The following EVA1C variants were observed in gnomAD, a reference collection of about 807,000 sequenced individuals.
EVA1C encodes the protein eva-1 homolog C.
In EVA1C, 25 loss-of-function variants were observed where a neutral mutation model predicts 45.4. The observed-to-expected ratio is 0.55, with a 90% confidence interval of 0.40 to 0.77. The LOEUF is 0.77. Ranked by LOEUF, EVA1C falls within the 30% of genes least tolerant of loss-of-function variation. The pLI, the probability that EVA1C is intolerant of heterozygous loss-of-function variation, is 0.00. For synonymous variants in EVA1C, 190 were observed against 221.2 expected, an observed-to-expected ratio of 0.86 and a Z score of 1.25; for missense variants, 479 against 554.8, an observed-to-expected ratio of 0.86 and a Z score of 1.37.
intron 7 of EVA1C, among the ~76,000 whole-genome samples, chr21:32,512,780 G>T (rs939388944): frequency 4.6e-5 from 7 of 152,122 alleles, no homozygotes; most frequent in Non-Finnish European, 5.9e-5. Context: ...AGACAGAGAA[G>T]TTGAGTTGTG....
At chr21:32,459,231 C>T (rs937941721) in intron 3 of EVA1C, among the ~76,000 whole-genome samples, 2 of 151,570 alleles carry the variant, frequency 1.3e-5, no homozygotes, top group Non-Finnish European at 2.9e-5. Context: ...CATACATGCT[C>T]ACACACACTC....
chr21:32,481,509 G>GAA (rs36096674), intron 4 of EVA1C, among the ~76,000 whole-genome samples: 64 of 123,628 alleles, frequency 5.2e-4, no homozygotes, highest in Admixed American at 1.0e-3. Flanking sequence ...GCAGCCACAA[G>GAA]AAAAAAAAAA....
chr21:32,467,938 A>G (rs1353165177), intron 4 of EVA1C, 90 bp downstream of exon 4: 2 of 880,026 alleles, frequency 2.3e-6, no homozygotes, highest in African/African-American at 1.8e-5. Context: ...TATATCCTAT[A>G]TGATTGTGAA....
rs139927696 is a variant in EVA1C, at chr21:32,429,424, G to C, written c.160+16411G>C. ...GCTGGAGTGCAGTGGTGTGATCTCG[G>C]CTCACTGCTACTTCTGCCTCCAGGA... On this transcript the variant is annotated intron_variant, in intron 1 of 7. Coordinates refer to ENST00000300255, the MANE Select transcript of EVA1C (RefSeq NM_058187.5). Among the ~76,000 whole-genome samples, 758 of 152,072 alleles carry C rather than the reference G, an allele frequency of 5.0e-3. 9 individuals are homozygous for C. The highest frequency in any genetic ancestry group is 0.028 in the Admixed American group (433 of 15,262).
intron 1 of EVA1C, among the ~76,000 whole-genome samples, chr21:32,439,766 G>C (rs1045300880): frequency 5.9e-5 from 9 of 151,944 alleles, no homozygotes; most frequent in African/African-American, 2.2e-4. Context: ...CAGTAAACCT[G>C]TCCTGCTCCT....
chr21:32,468,974 G>A (rs896374622), intron 4 of EVA1C, among the ~76,000 whole-genome samples: 29 of 152,174 alleles, frequency 1.9e-4, no homozygotes, highest in African/African-American at 6.8e-4. Flanking sequence ...GGCAGTGCCT[G>A]GATTAAAGGG....
chr21:32,506,136 T>C (rs2833857), intron 7 of EVA1C, among the ~76,000 whole-genome samples: 67,609 of 150,764 alleles, frequency 0.45, 16,458 homozygotes, highest in East Asian at 0.68. Context: ...GTGATTGTCA[T>C]TCCCAGAAAC....
intron 4 of EVA1C, among the ~76,000 whole-genome samples, chr21:32,481,171 G>GA (rs5843554): frequency 6.6e-6 from 1 of 151,972 alleles, no homozygotes; most frequent in South Asian, 2.1e-4. Context: ...TTTGTAACAG[G>GA]AAAAAACGAT....
rs527499803 is a variant in EVA1C at position 32,429,057 on chromosome 21, G to A, written c.160+16044G>A. Among the ~76,000 whole-genome samples the A allele has an allele frequency of 1.2e-4, 18 of 152,112 alleles. 1 individual carries two copies. Among genetic ancestry groups the A allele is most frequent in the African/African-American group, 4.3e-4 (18 of 41,462 alleles). ...ATTTTTTGAGACAGGGTCTCGCTCT[G>A]TCGCCCAGAGCGAGATTGTCGCCTT... On this transcript the variant is annotated intron_variant, in intron 1 of 7. Transcript: ENST00000300255.
At chr21:32,467,589 C>T in intron 3 of EVA1C, 107 bp from the exon 4 acceptor site, 1 of 1,158,422 alleles carries the variant, frequency 8.6e-7, no homozygotes, top group South Asian at 1.7e-5. Flanking sequence ...CCACTGCCCC[C>T]TTCTCAGGGT....
chr21:32,457,923 TGA>T (rs2035850589), intron 3 of EVA1C, among the ~76,000 whole-genome samples: 1 of 152,232 alleles, frequency 6.6e-6, no homozygotes, highest in Non-Finnish European at 1.5e-5. Flanking sequence ...TTTGTGTGTG[TGA>T]GTCTGCACAT....
rs1265485204 is a variant in EVA1C, at chr21:32,439,275, G to A, written c.161-14037G>A. 5.3e-5 allele frequency among the ~76,000 whole-genome samples: 8 copies of A among 150,210 alleles called. No individual in the cohort carries two copies. In the South Asian group the frequency reaches 1.3e-3, roughly 24 times the overall value. On this transcript the variant is annotated intron_variant, in intron 1 of 7. Coordinates refer to ENST00000300255, the MANE Select transcript of EVA1C (RefSeq NM_058187.5). ...ATTGGGGCAATCAGAAGCGACCACC[G>A]TCAGCAAAGGAAGGATGAAGGGGAG...
At chr21:32,489,502 C>A (rs184090906) in intron 4 of EVA1C, among the ~76,000 whole-genome samples, 2 of 152,258 alleles carry the variant, frequency 1.3e-5, no homozygotes, top group Admixed American at 1.3e-4. Context: ...ATTACTATAG[C>A]TTTGTAGTAG....
chr21:32,484,801 T>C (rs765238456), intron 4 of EVA1C, among the ~76,000 whole-genome samples: 4 of 152,120 alleles, frequency 2.6e-5, no homozygotes, highest in African/African-American at 9.7e-5. Context: ...CCCCACCCAC[T>C]GTGTGTGCTT....
At chr21:32,438,796 G>A (rs2146197623) in intron 1 of EVA1C, among the ~76,000 whole-genome samples, 1 of 152,282 alleles carries the variant, frequency 6.6e-6, no homozygotes, top group South Asian at 2.1e-4. Context: ...CCAGGAGATG[G>A]CCAGCAACCA....
At chr21:32,501,147 G>C (rs2037516012) in intron 5 of EVA1C, among the ~76,000 whole-genome samples, 1 of 152,130 alleles carries the variant, frequency 6.6e-6, no homozygotes, top group African/African-American at 2.4e-5. Context: ...TATTCTGCTA[G>C]ATGGATATAT....
chr21:32,453,883 C>T lies in EVA1C; in HGVS notation c.357+375C>T, dbSNP rs551681559. On this transcript the variant is annotated intron_variant, in intron 2 of 7. Coordinates refer to ENST00000300255, the MANE Select transcript of EVA1C (RefSeq NM_058187.5). ...GGGAAGGTAGGTTCTTTAATGGAAACCACAAGTATCTCTTTGAGGCAGACA... is the reference window on the plus strand; with the variant it reads ...GGGAAGGTAGGTTCTTTAATGGAAATCACAAGTATCTCTTTGAGGCAGACA... Among the ~76,000 whole-genome samples the T allele has an allele frequency of 4.6e-5, 7 of 152,296 alleles. No individual in the cohort carries two copies. In the South Asian group the frequency reaches 1.5e-3, roughly 32 times the overall value.
intron 4 of EVA1C, among the ~76,000 whole-genome samples, chr21:32,487,094 A>G (rs1568935441): frequency 6.6e-6 from 1 of 152,220 alleles, no homozygotes; most frequent in Non-Finnish European, 1.5e-5. Context: ...AAATAGCTCC[A>G]GAATGATGAA....
In EVA1C at chr21:32,480,971, A is replaced by AAT. The variant is rs202160992; in HGVS notation, c.634+13124_634+13125insTA. Among the ~76,000 whole-genome samples, 937 of 151,722 alleles carry AAT rather than the reference A, an allele frequency of 6.2e-3. 19 individuals carry two copies. Among genetic ancestry groups the AAT allele is most frequent in the Admixed American group, 0.035 (540 of 15,250 alleles). ...GAGCAAGTGCCGTCTCAAAAAAAAA[A>AAT]AAATAAATAAAAATAAAATAAAATT... On this transcript the variant is annotated intron_variant, in intron 4 of 7. Transcript: ENST00000300255.
Sources: gnomAD v4.1 joint callset for allele counts (sites outside exome capture counted in the v4.1 genomes callset) on GRCh38, gnomAD v4.1.1 for gene constraint, MANE v1.5 for transcripts, NCBI Gene and HGNC (gene_info 2026-07-23, HGNC 2026-07-21) for gene names.